Variants in TMEM132C observed in about 807,000 individuals in gnomAD.
TMEM132C encodes the protein protein phosphatase 1, regulatory subunit 152.
In TMEM132C, 29 loss-of-function variants were observed where a neutral mutation model predicts 61.4. The observed-to-expected ratio is 0.47, with a 90% CI of 0.35 to 0.64. TMEM132C has a LOEUF of 0.64. Among genes scored for constraint, TMEM132C ranks in the 30% least tolerant of loss-of-function variants. The probability of loss-of-function intolerance (pLI) is 0.00; values close to 1 mark genes in which losing one functional copy is unlikely to be tolerated. For synonymous variants in TMEM132C, 656 were observed against 633.1 expected (o/e 1.04, Z -0.54); for missense variants, 1,408 against 1,476.9 (o/e 0.95, Z 0.76).
chr12:128,303,202 G>T (rs1432755744), intron 1 of TMEM132C, among the ~76,000 whole-genome samples: 1 of 152,158 alleles, frequency 6.6e-6, no homozygotes, highest in Admixed American at 6.5e-5. Flanking sequence ...TTGTGTTGAA[G>T]CAAATGGAAA....
intron 4 of TMEM132C, among the ~76,000 whole-genome samples, chr12:128,629,990 A>G (rs1954053125): frequency 6.6e-6 from 1 of 150,950 alleles, no homozygotes. Context: ...AAAAAAGGCA[A>G]GAGGGTAGAT....
At chr12:128,650,050 A>T (rs765732428) in intron 4 of TMEM132C, among the ~76,000 whole-genome samples, 3 of 152,118 alleles carry the variant, frequency 2.0e-5, no homozygotes, top group Non-Finnish European at 4.4e-5. Context: ...GAGGGAGGAA[A>T]ATTTGCTCAG....
At chr12:128,680,077 G>C (rs886895604) in intron 5 of TMEM132C, among the ~76,000 whole-genome samples, 1 of 152,158 alleles carries the variant, frequency 6.6e-6, no homozygotes, top group Non-Finnish European at 1.5e-5. Context: ...GTAAGAAGAC[G>C]AAGAGAAAAC....
chr12:128,617,164 C>T (rs1293730867), intron 4 of TMEM132C, among the ~76,000 whole-genome samples: 3 of 152,296 alleles, frequency 2.0e-5, no homozygotes, highest in South Asian at 4.2e-4. Flanking sequence ...TTTTTCAAAG[C>T]TCCTAAGCCA....
intron 2 of TMEM132C, among the ~76,000 whole-genome samples, chr12:128,543,534 C>T (rs1230765599): frequency 1.3e-5 from 2 of 152,132 alleles, no homozygotes; most frequent in African/African-American, 4.8e-5. Flanking sequence ...CCTTTCTCCT[C>T]ACTTCCCTAC....
At chr12:128,584,727 ACATGGCCC>A (rs1227007882) in intron 3 of TMEM132C, among the ~76,000 whole-genome samples, 11 of 152,194 alleles carry the variant, frequency 7.2e-5, no homozygotes, top group African/African-American at 2.4e-4. Context: ...CAGAAAGTCC[ACATGGCCC>A]CATCTGTGCA....
chr12:128,703,728 CAT>C lies in TMEM132C; in HGVS notation c.2122-1359_2122-1358del, dbSNP rs1316857829. ...CTATTGTGAATAGTGCTGCGATGAA[CAT>C]ATGCGTGCATGTGAGCACAGTTCTT... On this transcript the variant is annotated intron_variant, in intron 8 of 8. Coordinates refer to ENST00000435159, the MANE Select transcript of TMEM132C (RefSeq NM_001136103.3). Among the ~76,000 whole-genome samples the C allele has an allele frequency of 3.9e-5, 6 of 152,356 alleles. No individual in the cohort carries two copies. In the East Asian group the frequency reaches 1.2e-3, roughly 29 times the overall value.
chr12:128,390,635 G>A (rs1291360921), intron 1 of TMEM132C, among the ~76,000 whole-genome samples: 2 of 152,156 alleles, frequency 1.3e-5, no homozygotes. Context: ...CAAGCTCCAC[G>A]GATTAGGATG....
At chr12:128,469,634 G>A (rs1565945258) in intron 2 of TMEM132C, among the ~76,000 whole-genome samples, 41 of 147,088 alleles carry the variant, frequency 2.8e-4, no homozygotes, top group African/African-American at 1.1e-3. Flanking sequence ...CTTTGTGTGT[G>A]TGTGTTTGTG....
At chr12:128,540,399 A>G (rs1873694863) in intron 2 of TMEM132C, among the ~76,000 whole-genome samples, 1 of 152,076 alleles carries the variant, frequency 6.6e-6, no homozygotes, top group African/African-American at 2.4e-5. Context: ...GACTACAGGC[A>G]TGCACCACCA....
Position 128,509,291 on chromosome 12 carries a change from G to A in TMEM132C, c.975-34666G>A, listed in dbSNP as rs189852807. On this transcript the variant is annotated intron_variant, in intron 2 of 8. Transcript: ENST00000435159. ...TTTGAGTACCTCAGTGTTTAAAGGG[G>A]AAAGAGCGGGCGGGAGGGGAAGGAG... Among the ~76,000 whole-genome samples, 348 of 152,286 alleles carry A rather than the reference G, an allele frequency of 2.3e-3. 1 individual carries two copies. Among genetic ancestry groups the A allele is most frequent in the African/African-American group, 7.9e-3 (330 of 41,546 alleles).
chr12:128,643,444 C>T (rs965028882), intron 4 of TMEM132C, among the ~76,000 whole-genome samples: 1 of 152,034 alleles, frequency 6.6e-6, no homozygotes, highest in Non-Finnish European at 1.5e-5. Context: ...GAGGAGGTAA[C>T]GAAACCTCGG....
intron 1 of TMEM132C, among the ~76,000 whole-genome samples, chr12:128,363,367 T>C (rs1408606844): frequency 6.6e-6 from 1 of 151,732 alleles, no homozygotes; most frequent in Middle Eastern, 3.2e-3. Context: ...TTCTTCCTAC[T>C]TTTCAATTTC....
chr12:128,471,657 A>T lies in TMEM132C; in HGVS notation c.974+56037A>T, dbSNP rs11059707. ...CCTGGGGTGAGACTGCTTGGGTGTA[A>T]TACAGACTTTAATACTTCCTGGCTG... On this transcript the variant is annotated intron_variant, in intron 2 of 8. Transcript: ENST00000435159. 1.7e-3 allele frequency among the ~76,000 whole-genome samples: 263 copies of T among 152,228 alleles called. 1 individual carries two copies. Among genetic ancestry groups the T allele is most frequent in the African/African-American group, 6.0e-3 (251 of 41,538 alleles).
intron 2 of TMEM132C, among the ~76,000 whole-genome samples, chr12:128,482,616 TG>T (rs1038776669): frequency 4.6e-5 from 7 of 152,180 alleles, no homozygotes; most frequent in Non-Finnish European, 8.8e-5. Context: ...GGGCTTTTTT[TG>T]GTTGGTAGGC....
chr12:128,694,126 G>GA, intron 6 of TMEM132C, 92 bp downstream of exon 6: 1 of 1,368,492 alleles, frequency 7.3e-7, no homozygotes, highest in Non-Finnish European at 1.0e-6. Flanking sequence ...AAGAGATGCT[G>GA]GTATTGTCTC....
At chr12:128,573,323 A>G (rs1284213991) in intron 3 of TMEM132C, among the ~76,000 whole-genome samples, 1 of 152,142 alleles carries the variant, frequency 6.6e-6, no homozygotes, top group Non-Finnish European at 1.5e-5. Context: ...GAAGCTGGAA[A>G]CCATCATTCT....
At chr12:128,443,216 C>T (rs1443619622) in intron 2 of TMEM132C, among the ~76,000 whole-genome samples, 2 of 151,658 alleles carry the variant, frequency 1.3e-5, no homozygotes, top group African/African-American at 4.9e-5. Context: ...GGGAGCTAAA[C>T]TAGAGGATGC....
At chr12:128,402,295 G>C (rs577239696) in intron 1 of TMEM132C, among the ~76,000 whole-genome samples, 9 of 152,004 alleles carry the variant, frequency 5.9e-5, no homozygotes, top group African/African-American at 1.9e-4. Flanking sequence ...TTGTTACATA[G>C]GTAGCCATGA....
Sources: allele counts gnomAD v4.1 joint callset (sites outside exome capture counted in the v4.1 genomes callset), GRCh38; gene constraint gnomAD v4.1.1; transcripts MANE v1.5; gene names NCBI Gene and HGNC (gene_info 2026-07-23, HGNC 2026-07-21).